The following DIPK1A variants were observed in gnomAD, a reference collection of about 807,000 sequenced individuals.
The protein encoded by DIPK1A is divergent protein kinase domain 1A, also known as family with sequence similarity 69 member A.
A neutral mutation model predicts 40.8 loss-of-function variants in DIPK1A; 27 were observed. The ratio of observed to expected loss-of-function variants is 0.66; its 90% CI spans 0.49 to 0.91. The LOEUF is 0.91. DIPK1A is among the 40% of genes least tolerant of loss of function. The pLI is 0.00. For synonymous variants in DIPK1A, 166 were observed against 171.3 expected, an observed-to-expected ratio of 0.97 and a Z score of 0.24; for missense variants, 412 against 505.7, an observed-to-expected ratio of 0.81 and a Z score of 1.78.
chr1:92,858,287 G>A (rs1266522186), intron 2 of DIPK1A, among the ~76,000 whole-genome samples: 1 of 152,054 alleles, frequency 6.6e-6, no homozygotes, highest in African/African-American at 2.4e-5. Flanking sequence ...AATCATCTTG[G>A]GAGTTTATAT....
In DIPK1A at chr1:92,843,432, T is replaced by A. The variant is rs954818544; in HGVS notation, c.1238A>T (p.Asn413Ile). The A allele has an allele frequency of 6.5e-7, 1 of 1,550,062 alleles. No individual in the cohort carries two copies. The highest frequency in any genetic ancestry group is 8.7e-7 in the Non-Finnish European group (1 of 1,146,464). The stretch of plus-strand genomic sequence containing the variant: ...TTTCTTCCACAATAATGTTTTTAGG[T>A]TATTTAGTATCAAAGAATGTTCCAT... ...MEMEHSLILN[N>I]LKTLLWKKIS... is the part of the protein sequence containing the mutation. The change falls in exon 5 of 5, where the codon AAC (asparagine) becomes ATC (isoleucine). Residue 413 changes from asparagine (N) to isoleucine (I), a missense_variant. By Grantham distance (149) the Asn-to-Ile change is moderately radical. Coordinates refer to ENST00000370310, the MANE Select transcript of DIPK1A (RefSeq NM_001006605.5).
intron 4 of DIPK1A, among the ~76,000 whole-genome samples, chr1:92,834,212 C>CT (rs2100678848): frequency 6.6e-6 from 1 of 152,322 alleles, no homozygotes; most frequent in South Asian, 2.1e-4. Flanking sequence ...TTATATGCCA[C>CT]TTAACCACTG....
At chr1:92,891,805 A>G (rs1482065860) in intron 1 of DIPK1A, among the ~76,000 whole-genome samples, 1 of 152,148 alleles carries the variant, frequency 6.6e-6, no homozygotes, top group Non-Finnish European at 1.5e-5. Flanking sequence ...GGGTCACTTT[A>G]CCCTAATACT....
chr1:92,905,004 A>C (rs942253534), intron 1 of DIPK1A, among the ~76,000 whole-genome samples: 1 of 152,126 alleles, frequency 6.6e-6, no homozygotes, highest in Admixed American at 6.5e-5. Flanking sequence ...CCTATGGCTG[A>C]ATAGTACTCC....
In DIPK1A at chr1:92,961,418, A is replaced by T. The variant is rs1293120355; in HGVS notation, c.12T>A (p.Ser4Arg). The change falls in exon 1 of 5, where the codon AGT becomes AGA. Residue 4 changes from serine (S) to arginine (R), a missense_variant. Transcript: ENST00000370310. MAR[S>R]LCPGAWLRKP... ...TCCTTAGCCAGGCCCCCGGACAGAG[A>T]CTCCTCGCCATGGTAATCACACATC... 1.3e-6 allele frequency: 2 copies of T among 1,519,278 alleles called. No individual in the cohort carries two copies. The highest frequency in any genetic ancestry group is 1.8e-6 in the Non-Finnish European group (2 of 1,131,046). The allele number at this position is 1,519,278 out of a possible 1,614,324, so 94.1% of individuals were successfully genotyped here.
At chr1:92,892,190 A>G (rs1648919107) in intron 1 of DIPK1A, among the ~76,000 whole-genome samples, 2 of 152,096 alleles carry the variant, frequency 1.3e-5, no homozygotes, top group South Asian at 4.1e-4. Context: ...TTGAGATCTG[A>G]GAACGGACAG....
chr1:92,902,012 T>C (rs148580665), intron 1 of DIPK1A, among the ~76,000 whole-genome samples: 1 of 152,160 alleles, frequency 6.6e-6, no homozygotes, highest in Non-Finnish European at 1.5e-5. Context: ...GGGGGTGAAG[T>C]GCCACTTCAG....
chr1:92,834,818 G>A lies in DIPK1A; in HGVS notation c.475-1784C>T, dbSNP rs752867126. The A allele has an allele frequency of 1.7e-5, 27 of 1,612,564 alleles. No individual in the cohort carries two copies. The highest frequency in any genetic ancestry group is 1.8e-5 in the Non-Finnish European group (21 of 1,179,918). ...TATAGAGGGGGATATGATAGTCTGC[G>A]CAGCGTATGCACACGAACTGCCAAA... On this transcript the variant is annotated intron_variant, in intron 4 of 4. Coordinates refer to the DIPK1A transcript ENST00000615519.
intron 1 of DIPK1A, among the ~76,000 whole-genome samples, chr1:92,911,430 T>A (rs928596602): frequency 6.6e-6 from 1 of 152,202 alleles, no homozygotes; most frequent in African/African-American, 2.4e-5. Context: ...TTTCTGTTGT[T>A]TATATGAGCC....
intron 1 of DIPK1A, among the ~76,000 whole-genome samples, chr1:92,950,522 T>C (rs1168911835): frequency 6.6e-6 from 1 of 152,208 alleles, no homozygotes; most frequent in Admixed American, 6.5e-5. Context: ...ACTGGGCTAT[T>C]ACAATGGGCC....
chr1:92,927,364 GTTTTT>G (rs61508867), intron 1 of DIPK1A, among the ~76,000 whole-genome samples: 4 of 104,666 alleles, frequency 3.8e-5, no homozygotes, highest in Admixed American at 1.0e-4. Flanking sequence ...CAATTTTGTT[GTTTTT>G]TTTTTTTTTT....
intron 1 of DIPK1A, among the ~76,000 whole-genome samples, chr1:92,900,543 T>G (rs761487102): frequency 6.6e-6 from 1 of 152,234 alleles, no homozygotes; most frequent in Non-Finnish European, 1.5e-5. Flanking sequence ...TATTTTCTTG[T>G]ATTGTATCTC....
chr1:92,947,008 T>G (rs895682312), intron 1 of DIPK1A, among the ~76,000 whole-genome samples: 1 of 151,862 alleles, frequency 6.6e-6, no homozygotes, highest in Non-Finnish European at 1.5e-5. Flanking sequence ...ATCTCCAAAT[T>G]TTTTTGATAA....
At chr1:92,834,428 T>C (rs1687036769) in intron 4 of DIPK1A, among the ~76,000 whole-genome samples, 1 of 152,166 alleles carries the variant, frequency 6.6e-6, no homozygotes, top group Non-Finnish European at 1.5e-5. Context: ...AGAGTTAAGA[T>C]TTATTGATAT....
At chr1:92,948,190 A>G (rs1467004714) in intron 1 of DIPK1A, among the ~76,000 whole-genome samples, 2 of 152,150 alleles carry the variant, frequency 1.3e-5, no homozygotes, top group Non-Finnish European at 2.9e-5. Flanking sequence ...TGGCAGTATA[A>G]AAGTAAAAGT....
At chr1:92,917,255 C>A (rs1650089337) in intron 1 of DIPK1A, among the ~76,000 whole-genome samples, 1 of 152,102 alleles carries the variant, frequency 6.6e-6, no homozygotes, top group Non-Finnish European at 1.5e-5. Context: ...GATTTTCATT[C>A]TTTTGAATTA....
At chr1:92,870,603 A>C (rs1475110476) in intron 2 of DIPK1A, among the ~76,000 whole-genome samples, 2 of 152,222 alleles carry the variant, frequency 1.3e-5, no homozygotes, top group African/African-American at 4.8e-5. Context: ...AACATACTGC[A>C]ATTACCATCA....
At chr1:92,866,824 G>A (rs1353633433) in intron 2 of DIPK1A, among the ~76,000 whole-genome samples, 1 of 152,142 alleles carries the variant, frequency 6.6e-6, no homozygotes, top group African/African-American at 2.4e-5. Context: ...TGCCCTTCCT[G>A]ATAGCCTTCC....
At chr1:92,905,812 TA>T (rs1187446532) in intron 1 of DIPK1A, among the ~76,000 whole-genome samples, 1 of 152,154 alleles carries the variant, frequency 6.6e-6, no homozygotes, top group Non-Finnish European at 1.5e-5. Flanking sequence ...TGTTGAGAGA[TA>T]GGGGTCTAGT....
Sources: gnomAD v4.1 joint callset for allele counts (sites outside exome capture counted in the v4.1 genomes callset) on GRCh38, gnomAD v4.1.1 for gene constraint, MANE v1.5 for transcripts, NCBI Gene and HGNC (gene_info 2026-07-23, HGNC 2026-07-21) for gene names.